RAI1: variants seen among roughly 807,000 people sequenced by gnomAD.
RAI1 encodes the protein retinoic acid induced 1.
A neutral mutation model predicts 123.8 loss-of-function variants in RAI1; 9 were observed. The observed-to-expected ratio is 0.07, with a 90% CI of 0.04 to 0.13. RAI1 has a LOEUF of 0.13. RAI1 is among the 10% of genes least tolerant of loss of function. The pLI is 1.00. For missense variants in RAI1, 2,256 were observed against 2,545.8 expected (o/e 0.89, Z 2.45); for synonymous variants, 1,231 against 1,127.3 (o/e 1.09, Z -1.84).
At position 17,706,939 on chromosome 17, in the gene RAI1, T is replaced by C. The variant is rs538242701; in HGVS notation, c.-148-17089T>C. Among the ~76,000 whole-genome samples the C allele has an allele frequency of 4.6e-5, 7 of 152,368 alleles. No homozygotes were observed. In the East Asian group the frequency reaches 1.3e-3, roughly 29 times the overall value. ...TGAGATCCTACTGTGAGCTGGGCTCTGCCCTAGGTGCCCATGGGTGAGCAG... is the reference window on the plus strand; with the variant it reads ...TGAGATCCTACTGTGAGCTGGGCTCCGCCCTAGGTGCCCATGGGTGAGCAG... On this transcript the variant is annotated intron_variant, in intron 1 of 5. Transcript: ENST00000353383.
intron 2 of RAI1, among the ~76,000 whole-genome samples, chr17:17,744,742 AT>A (rs1243706176): frequency 7.4e-6 from 1 of 135,316 alleles, no homozygotes; most frequent in East Asian, 2.6e-4. Flanking sequence ...GTGAGCCGAG[AT>A]TGTGCCACTG....
chr17:17,752,485 G>T (rs1304794124), intron 2 of RAI1, among the ~76,000 whole-genome samples: 1 of 152,196 alleles, frequency 6.6e-6, no homozygotes, highest in African/African-American at 2.4e-5. Context: ...CGGAACAGCC[G>T]CCCCGGGAGC....
At chr17:17,788,864 TG>T (rs2031921286) in intron 2 of RAI1, among the ~76,000 whole-genome samples, 2 of 152,306 alleles carry the variant, frequency 1.3e-5, no homozygotes, top group Admixed American at 1.3e-4. Flanking sequence ...TTTCGCTGAC[TG>T]GGGCCTCAAG....
chr17:17,681,616 C>T lies in RAI1; in HGVS notation c.-326C>T. 4.8e-6 allele frequency: 1 copy of T among 207,064 alleles called. No homozygotes were observed. The highest frequency in any genetic ancestry group is 9.5e-6 in the Non-Finnish European group (1 of 105,260). 12.8% of individuals were successfully genotyped at this position (207,064 alleles called of 1,614,324 possible). ...GAGGGCGAGAGGCGAGCCGAGCAGG[C>T]CGCCCTGCCCGCGGCCCTAGCGCCG... is the stretch of plus-strand genomic sequence containing the variant. On this transcript the variant is annotated 5_prime_UTR_variant, in exon 1 of 6. Transcript: ENST00000353383.
chr17:17,806,262 G>C (rs1023130069), intron 4 of RAI1, among the ~76,000 whole-genome samples: 1 of 152,254 alleles, frequency 6.6e-6, no homozygotes, highest in Non-Finnish European at 1.5e-5. Flanking sequence ...CTGTTTAGTG[G>C]TGGGACTTGT....
chr17:17,728,261 G>C (rs529313117), intron 2 of RAI1, among the ~76,000 whole-genome samples: 2 of 152,028 alleles, frequency 1.3e-5, no homozygotes, highest in Non-Finnish European at 2.9e-5. Context: ...CTTCAAGGTT[G>C]TGGCTGGGTG....
chr17:17,791,759 G>A (rs1419827067), intron 2 of RAI1, among the ~76,000 whole-genome samples: 1 of 152,120 alleles, frequency 6.6e-6, no homozygotes. Flanking sequence ...CCCTCTTTGA[G>A]GGGTCTTCTG....
chr17:17,795,031 G>A lies in RAI1; in HGVS notation c.2083G>A (p.Ala695Thr), dbSNP rs201917434. The A allele has an allele frequency of 7.4e-6, 12 of 1,614,110 alleles. No homozygotes were observed. The highest frequency in any genetic ancestry group is 2.2e-5 in the East Asian group (1 of 44,880). The change falls in exon 3 of 6, where the codon GCT becomes ACT. Residue 695 changes from alanine to threonine, a missense_variant. Ala to Thr is a moderately conservative substitution (Grantham distance 58). Transcript: ENST00000353383. This position sits in a 1 kb window ranked among gnomAD's most constrained non-coding sequence, Gnocchi z 5.9. The part of the protein sequence containing the change: ...GLFEDPSVAF[A>T]TPDPKKTTGP... ...GTTTGAAGACCCTTCCGTGGCCTTC[G>A]CTACGCCTGACCCCAAAAAGACAAC...
intron 2 of RAI1, among the ~76,000 whole-genome samples, chr17:17,759,573 C>G (rs1321408720): frequency 6.7e-6 from 1 of 150,002 alleles, no homozygotes; most frequent in Non-Finnish European, 1.5e-5. Flanking sequence ...GCATCATGTT[C>G]TTTCTGCATA....
chr17:17,744,945 T>G (rs114585809), intron 2 of RAI1, among the ~76,000 whole-genome samples: 41 of 152,320 alleles, frequency 2.7e-4, no homozygotes, highest in African/African-American at 8.9e-4. Context: ...AAATCTTTAC[T>G]GTGTACCTAC....
At chr17:17,775,638 A>G (rs1475990597) in intron 2 of RAI1, among the ~76,000 whole-genome samples, 1 of 152,212 alleles carries the variant, frequency 6.6e-6, no homozygotes, top group African/African-American at 2.4e-5. Context: ...AGACAATCGA[A>G]TCTATTTACT....
At chr17:17,727,510 C>G (rs957588205) in intron 2 of RAI1, among the ~76,000 whole-genome samples, 1 of 152,216 alleles carries the variant, frequency 6.6e-6, no homozygotes, top group African/African-American at 2.4e-5. Flanking sequence ...TCCTGGGCCA[C>G]CCCCGACTGG....
intron 2 of RAI1, among the ~76,000 whole-genome samples, chr17:17,759,934 C>T (rs2030617074): frequency 6.6e-6 from 1 of 152,194 alleles, no homozygotes; most frequent in Admixed American, 6.5e-5. Context: ...ATTAAGGGCT[C>T]TGGATGCTTG....
rs201233361 is a variant in RAI1, at chr17:17,800,528, A to G, written c.5565+2015A>G. Among the ~76,000 whole-genome samples the G allele has an allele frequency of 1.7e-4, 26 of 152,102 alleles. No homozygotes were observed. The highest frequency in any genetic ancestry group is 6.0e-4 in the African/African-American group (25 of 41,496). ...GACCACCCCATCCTGTCCCTGGCCC[A>G]TGGGTGTCTTAACCGCCCATGCACA... On this transcript the variant is annotated intron_variant, in intron 3 of 5. Transcript: ENST00000353383. This position sits in a 1 kb window ranked among gnomAD's most constrained non-coding sequence, Gnocchi z 4.7.
intron 2 of RAI1, among the ~76,000 whole-genome samples, chr17:17,776,434 G>C (rs1035425680): frequency 6.6e-6 from 1 of 151,948 alleles, no homozygotes; most frequent in South Asian, 2.1e-4. Context: ...CCAGTGGCGC[G>C]ATCTCAGCTT....
At chr17:17,734,266 C>A (rs1007947981) in intron 2 of RAI1, among the ~76,000 whole-genome samples, 21 of 148,668 alleles carry the variant, frequency 1.4e-4, no homozygotes, top group African/African-American at 4.9e-4. Flanking sequence ...CATAGCGAGA[C>A]CCTCTCTCTA....
In RAI1 at chr17:17,696,843, C is replaced by T. The variant is rs1030012326; in HGVS notation, c.-149+15050C>T. Among the ~76,000 whole-genome samples, 5 of 152,370 alleles carry T rather than the reference C, an allele frequency of 3.3e-5. No homozygotes were observed. The South Asian group carries it at 1.0e-3, about 32-fold the overall frequency. ...TCAGGGAGGTCTCAGACCTTGGCCT[C>T]ATCCTCATTCGGGGCCTCCTTTGCC... On this transcript the variant is annotated intron_variant, in intron 1 of 5. Coordinates refer to ENST00000353383, the MANE Select transcript of RAI1 (RefSeq NM_030665.4).
chr17:17,750,210 C>T (rs756146622), intron 2 of RAI1, among the ~76,000 whole-genome samples: 8 of 152,262 alleles, frequency 5.3e-5, no homozygotes, highest in Non-Finnish European at 1.0e-4. Context: ...AACAGGTTTT[C>T]GTGACTCCAA....
intron 2 of RAI1, 22 bp from the exon 3 acceptor site, chr17:17,792,894 TCCTTCCCTCCCTCCCTC>T: frequency 6.4e-6 from 2 of 312,566 alleles, no homozygotes; most frequent in Non-Finnish European, 1.3e-5. Flanking sequence ...CTCCCCTCCC[TCCTTCCCTCCCTCCCTC>T]CCTTCCTTTT....
Sources: allele counts gnomAD v4.1 joint callset (sites outside exome capture counted in the v4.1 genomes callset), GRCh38; gene constraint gnomAD v4.1.1; non-coding constraint Gnocchi (gnomAD v3.1); transcripts MANE v1.5; gene names NCBI Gene and HGNC (gene_info 2026-07-23, HGNC 2026-07-21).